TPPP: variants seen among roughly 807,000 people sequenced by gnomAD.
TPPP encodes the protein tubulin polymerization promoting protein.
In TPPP, 6 loss-of-function variants were observed where a neutral mutation model predicts 15.5. The observed-to-expected ratio is 0.39, with a 90% CI of 0.21 to 0.77. TPPP has a LOEUF of 0.77. TPPP is among the 30% of genes least tolerant of loss of function. The pLI is 0.42. For synonymous variants in TPPP, 146 were observed against 133.9 expected (o/e 1.09, Z -0.63); for missense variants, 269 against 307.2 (o/e 0.88, Z 0.93).
intron 2 of TPPP, chr5:666,864 A>T (rs1739937559): frequency 1.3e-5 from 2 of 152,324 alleles, no homozygotes; most frequent in African/African-American, 2.4e-5. Context: ...CTCTGACCAG[A>T]TCTACCACAA....
upstream of TPPP, among the ~76,000 whole-genome samples, chr5:697,586 T>C (rs1171386347): frequency 3.3e-5 from 5 of 151,976 alleles, no homozygotes; most frequent in Non-Finnish European, 7.4e-5. Flanking sequence ...TCAGAGGCAG[T>C]GGGCAATGAG....
intron 3 of TPPP, 99 bp from the exon 4 acceptor site, chr5:665,395 G>A: frequency 1.8e-6 from 2 of 1,139,812 alleles, no homozygotes; most frequent in African/African-American, 1.5e-5. Flanking sequence ...CAGCGGTGGG[G>A]CACTGGGCAA....
At chr5:668,180 T>G (rs373336797) in intron 2 of TPPP, among the ~76,000 whole-genome samples, 1,397 of 42,130 alleles carry the variant, frequency 0.033, no homozygotes, top group Admixed American at 0.05. Context: ...CGGAGAGGGG[T>G]CCGCGTGGGC....
At position 660,661 on chromosome 5, in the gene TPPP, A is replaced by G. The variant is rs7433; in HGVS notation, c.*4441T>C. The G allele has an allele frequency of 0.39, 59,410 of 152,194 alleles. 11,797 individuals are homozygous for G. Among genetic ancestry groups the G allele is most frequent in the East Asian group, 0.45 (2,332 of 5,190 alleles). 9.4% of individuals were successfully genotyped at this position (152,194 alleles called of 1,614,324 possible). ...ACAGGTAAGTGTCCAGGGCCAAGGC[A>G]TCTCCATCTCAACTCCTCCCCACTC... is the stretch of plus-strand genomic sequence containing the variant. On this transcript the variant is annotated 3_prime_UTR_variant, in exon 4 of 4. Transcript: ENST00000360578.
In TPPP at chr5:673,762, C is replaced by G. The variant is rs992140209; in HGVS notation, c.311+3988G>C. On this transcript the variant is annotated intron_variant, in intron 2 of 3. Transcript: ENST00000360578. ...GGAGCAGGGGGCCAAGCTTTAGCCC[C>G]CCAAGCGCCTGAGCAGCTCCAGCCC... is the stretch of plus-strand genomic sequence containing the variant. 2.0e-5 allele frequency among the ~76,000 whole-genome samples: 3 copies of G among 152,174 alleles called. No individual in the cohort carries two copies. The East Asian group carries it at 5.8e-4, about 29-fold the overall frequency.
At position 665,258 on chromosome 5, in the gene TPPP, G is replaced by A. The variant is rs1260310558; in HGVS notation, c.504C>T (p.Asp168=). The change falls in exon 4 of 4, where the codon GAC becomes GAT. Residue 168 remains aspartate, a synonymous_variant. Transcript: ENST00000360578. Reference sequence around the variant, plus strand: ...TGTGGGAGCCCGTGAACTTGGTGGTGTCCGTGAGCCTCGACACTGTGGGCG... The same window carrying A: ...TGTGGGAGCCCGTGAACTTGGTGGTATCCGTGAGCCTCGACACTGTGGGCG... ...ISSPTVSRLT[D]TTKFTGSHKE... is the part of the protein sequence containing the mutation. 3 of 1,613,790 alleles carry A rather than the reference G, an allele frequency of 1.9e-6. No individual in the cohort carries two copies. The South Asian group carries it at 3.3e-5, about 18-fold the overall frequency.
At chr5:698,795 T>C in the TPPP span, among the ~76,000 whole-genome samples, 2 of 151,962 alleles carry the variant, frequency 1.3e-5, no homozygotes, top group African/African-American at 4.8e-5. Flanking sequence ...CAAAAAACTC[T>C]TAGATTTGAT....
At position 667,851 on chromosome 5, in the gene TPPP, G is replaced by A. The variant is rs1198797034; in HGVS notation, c.312-1728C>T. Reference sequence around the variant, plus strand: ...AAGCACACGGAGAGGGGTCCGCGTGGGCGCCGTCAGGGAAGTACCGACAAG... The same window carrying A: ...AAGCACACGGAGAGGGGTCCGCGTGAGCGCCGTCAGGGAAGTACCGACAAG... On this transcript the variant is annotated intron_variant, in intron 2 of 3. Transcript: ENST00000360578. Among the ~76,000 whole-genome samples, 4 of 134,236 alleles carry A rather than the reference G, an allele frequency of 3.0e-5. No homozygotes were observed. In the East Asian group the frequency reaches 6.8e-4, roughly 23 times the overall value. 88.1% of individuals were successfully genotyped at this position (134,236 alleles called of 152,430 possible). A position where few individuals can be genotyped will look rare whatever the true frequency, so the allele number is the denominator to read the frequency against.
intron 2 of TPPP, among the ~76,000 whole-genome samples, chr5:675,124 G>C (rs1487512794): frequency 2.1e-5 from 3 of 144,382 alleles, no homozygotes; most frequent in Non-Finnish European, 4.6e-5. Context: ...GGGGGGTACA[G>C]TGTGGCCAGG....
chr5:671,893 C>T (rs367597), intron 2 of TPPP, among the ~76,000 whole-genome samples: 1 of 152,214 alleles, frequency 6.6e-6, no homozygotes, highest in South Asian at 2.1e-4. Context: ...ACCCTTCCCC[C>T]GGGCTGGGTA....
At position 663,091 on chromosome 5, in the gene TPPP, T is replaced by TTCCGGTGGCCGCTCGTCTGTGATC. The variant is rs1266820183; in HGVS notation, c.*2010_*2011insGATCACAGACGAGCGGCCACCGGA. 2.3e-5 allele frequency: 2 copies of TTCCGGTGGCCGCTCGTCTGTGATC among 87,948 alleles called. No homozygotes were observed. The highest frequency in any genetic ancestry group is 1.3e-4 in the Admixed American group (1 of 7,730). The allele number at this position is 87,948 out of a possible 1,614,324, so 5.4% of individuals were successfully genotyped here. ...ATTCCGATGACTGCTTGTCTGTGAT[T>TTCCGGTGGCCGCTCGTCTGTGATC]GGGCGATTCCGGTGGCCGCTCGTCT... On this transcript the variant is annotated 3_prime_UTR_variant, in exon 4 of 4. Transcript: ENST00000360578.
intron 1 of TPPP, among the ~76,000 whole-genome samples, chr5:686,065 C>G (rs1447454701): frequency 6.6e-6 from 1 of 152,222 alleles, no homozygotes; most frequent in African/African-American, 2.4e-5. Flanking sequence ...TCTGAGATGG[C>G]TGTCCAAGGC....
rs16900955 is a variant in TPPP at position 664,837 on chromosome 5, G to T, written c.*265C>A. On this transcript the variant is annotated 3_prime_UTR_variant, in exon 4 of 4. Transcript: ENST00000360578. ...ACGTGCCCAGTGTGGTGTGATCCGCGAGACACTTTGGAAATGGCTGAGGAC... is the reference window on the plus strand; with the variant it reads ...ACGTGCCCAGTGTGGTGTGATCCGCTAGACACTTTGGAAATGGCTGAGGAC... 4.0e-6 allele frequency: 2 copies of T among 494,958 alleles called. No homozygotes were observed. Among genetic ancestry groups the T allele is most frequent in the Non-Finnish European group, 7.3e-6 (2 of 274,208 alleles). The allele number at this position is 494,958 out of a possible 1,614,324, so 30.7% of individuals were successfully genotyped here.
At chr5:684,441 C>T (rs431994) in intron 1 of TPPP, among the ~76,000 whole-genome samples, 106,696 of 151,876 alleles carry the variant, frequency 0.7, 38,886 homozygotes, top group African/African-American at 0.91. Context: ...CAGCTCTCGG[C>T]GCTGGAGACC....
intron 1 of TPPP, among the ~76,000 whole-genome samples, chr5:686,031 C>T (rs1283400009): frequency 1.3e-5 from 2 of 152,326 alleles, no homozygotes; most frequent in South Asian, 2.1e-4. Flanking sequence ...CTGCAAAGGA[C>T]GCTGTGGCGG....
chr5:698,921 G>T, the TPPP span, among the ~76,000 whole-genome samples: 2 of 151,504 alleles, frequency 1.3e-5, no homozygotes, highest in Non-Finnish European at 3.0e-5. Flanking sequence ...CTCATTTATT[G>T]TAGCTACAAA....
At chr5:671,002 C>T (rs1740200774) in intron 2 of TPPP, among the ~76,000 whole-genome samples, 1 of 152,216 alleles carries the variant, frequency 6.6e-6, no homozygotes, top group Admixed American at 6.5e-5. Flanking sequence ...GCAGCTCAGG[C>T]CCCAGGGCGG....
At chr5:671,075 G>GC (rs983103525) in intron 2 of TPPP, among the ~76,000 whole-genome samples, 3 of 152,168 alleles carry the variant, frequency 2.0e-5, no homozygotes, top group Non-Finnish European at 4.4e-5. Flanking sequence ...CCACCATGAA[G>GC]CCCCCACACA....
intron 2 of TPPP, among the ~76,000 whole-genome samples, chr5:672,885 AAC>A (rs1740271897): frequency 2.0e-5 from 3 of 152,380 alleles, no homozygotes; most frequent in Non-Finnish European, 4.4e-5. Context: ...TTTAAGATTT[AAC>A]ACATAGTAAC....
Sources: allele counts gnomAD v4.1 joint callset (sites outside exome capture counted in the v4.1 genomes callset), GRCh38; gene constraint gnomAD v4.1.1; transcripts MANE v1.5; gene names NCBI Gene and HGNC (gene_info 2026-07-23, HGNC 2026-07-21).